PRKDC: variants seen among roughly 807,000 people sequenced by gnomAD.
PRKDC encodes the protein protein kinase, DNA-activated, catalytic subunit.
In PRKDC, 82 loss-of-function variants were observed where a neutral mutation model predicts 486.9. The ratio of observed to expected loss-of-function variants is 0.17; its 90% CI spans 0.14 to 0.20. The LOEUF is 0.20. PRKDC is among the 10% of genes least tolerant of loss of function. PRKDC has a pLI of 1.00. For synonymous variants in PRKDC, 1,895 were observed against 1,837.0 expected (o/e 1.03, Z -0.81); for missense variants, 4,504 against 5,038.2 (o/e 0.89, Z 3.21).
intron 71 of PRKDC, 109 bp from the exon 72 acceptor site, chr8:47,799,499 A>C: frequency 9.4e-7 from 1 of 1,066,342 alleles, no homozygotes; most frequent in Non-Finnish European, 1.3e-6. Context: ...GCTCCAAAAT[A>C]ACACTGAAGC....
chr8:47,881,490 G>T lies in PRKDC; in HGVS notation c.4993C>A (p.His1665Asn). The change falls in exon 38 of 86, where the codon CAT (histidine) becomes AAT (asparagine). Residue 1665 changes from histidine to asparagine, a missense_variant. Physicochemically the swap from His to Asn is moderately conservative, Grantham distance 68. Coordinates refer to ENST00000314191, the MANE Select transcript of PRKDC (RefSeq NM_006904.7). ...GTAAAGACTTCAGGGAATGAACCAT[G>T]ACTTGTATTAAAAGATACAGATGAA... Reference protein sequence around the residue: ...IDSSVSFNTSHGSFPEVFTTY... With the variant: ...IDSSVSFNTSNGSFPEVFTTY... 6.4e-7 allele frequency: 1 copy of T among 1,565,168 alleles called. No homozygotes were observed. The highest frequency in any genetic ancestry group is 1.2e-5 in the South Asian group (1 of 85,644).
chr8:47,959,303 A>C (rs1365256697), intron 1 of PRKDC: 2 of 152,218 alleles, frequency 1.3e-5, no homozygotes, highest in African/African-American at 4.8e-5. Context: ...ACATTTCTTC[A>C]ATTTTTCTCA....
chr8:47,846,909 CAAAGA>C (rs1162352472), intron 54 of PRKDC, among the ~76,000 whole-genome samples: 1 of 151,954 alleles, frequency 6.6e-6, no homozygotes, highest in African/African-American at 2.4e-5. Flanking sequence ...TTTACAATAG[CAAAGA>C]AAAGAATAAA....
chr8:47,888,738 G>A, intron 33 of PRKDC, 88 bp from the exon 34 acceptor site: 2 of 1,436,960 alleles, frequency 1.4e-6, no homozygotes, highest in South Asian at 1.5e-5. Flanking sequence ...GCACTGTTAT[G>A]AAGCAAACAG....
chr8:47,876,507 C>A (rs1285012379), intron 40 of PRKDC, among the ~76,000 whole-genome samples: 1 of 151,930 alleles, frequency 6.6e-6, no homozygotes, highest in African/African-American at 2.4e-5. Context: ...ACTAAAAATA[C>A]AAAAATTAGC....
chr8:47,838,032 A>G (rs1320048376), intron 56 of PRKDC, among the ~76,000 whole-genome samples: 2 of 152,150 alleles, frequency 1.3e-5, no homozygotes, highest in African/African-American at 2.4e-5. Context: ...GCTACTCGGG[A>G]GGCTGAGGCA....
intron 41 of PRKDC, among the ~76,000 whole-genome samples, chr8:47,864,052 T>G (rs1436267975): frequency 3.9e-5 from 6 of 152,194 alleles, no homozygotes; most frequent in Admixed American, 3.9e-4. Flanking sequence ...AAAAGGACTT[T>G]GTAGACAAAA....
At chr8:47,813,879 C>CT (rs1379343378) in intron 68 of PRKDC, among the ~76,000 whole-genome samples, 2 of 152,064 alleles carry the variant, frequency 1.3e-5, no homozygotes, top group East Asian at 1.9e-4. Flanking sequence ...TGGCCATAAA[C>CT]TTTTTTTAAA....
In PRKDC at chr8:47,877,748, G is replaced by T. The variant is rs1165025711; in HGVS notation, c.5339C>A (p.Ser1780Tyr). ...CCTTCTGGCAATCCTCCTGAAACTG[G>T]ATTGAAATAATTCTTCCATGACATG... ...QQHVMEELFQSSFRRIARRGS... is the reference protein window; with the variant it reads ...QQHVMEELFQYSFRRIARRGS... The change falls in exon 40 of 86, where the codon TCC (serine) becomes TAC (tyrosine). Residue 1780 changes from serine (S) to tyrosine (Y), a missense_variant. Physicochemically the swap from Ser to Tyr is moderately radical, Grantham distance 144. Transcript: ENST00000314191. The T allele has an allele frequency of 2.5e-6, 4 of 1,592,544 alleles. No individual in the cohort carries two copies. Among genetic ancestry groups the T allele is most frequent in the Middle Eastern group, 1.7e-4 (1 of 5,990 alleles).
rs752666003 is a variant in PRKDC, at chr8:47,859,603, G to A, written c.6207+8C>T. ...ACAATATTCTTTTAGTATGTGAAAT[G>A]TGATCACCCGTCTCCGAAAACGACC... On this transcript the variant is annotated splice_region_variant and intron_variant, in intron 46 of 85. Transcript: ENST00000314191. The A allele has an allele frequency of 6.2e-7, 1 of 1,611,360 alleles. No individual in the cohort carries two copies. The highest frequency in any genetic ancestry group is 8.5e-7 in the Non-Finnish European group (1 of 1,178,320).
chr8:47,953,745 T>C (rs199600924), intron 6 of PRKDC, 26 bp from the exon 7 acceptor site: 916 of 1,593,636 alleles, frequency 5.7e-4, no homozygotes, highest in Non-Finnish European at 7.3e-4. Context: ...TAAGAAGATG[T>C]CATTACAAGA....
In PRKDC at chr8:47,774,085, G is replaced by T; in HGVS notation, c.*88C>A. 1 of 1,327,896 alleles carries T rather than the reference G, an allele frequency of 7.5e-7. No homozygotes were observed. 82.3% of individuals were successfully genotyped at this position (1,327,896 alleles called of 1,614,324 possible). A position where few individuals can be genotyped will look rare whatever the true frequency, so the allele number is the denominator to read the frequency against. On this transcript the variant is annotated 3_prime_UTR_variant, in exon 86 of 86. Coordinates refer to ENST00000314191, the MANE Select transcript of PRKDC (RefSeq NM_006904.7). ...AAGACATTTCTCTTTAGTGTTTCAGGAAAATCAGCTCATGGAATGCTGCCA... is the reference window on the plus strand; with the variant it reads ...AAGACATTTCTCTTTAGTGTTTCAGTAAAATCAGCTCATGGAATGCTGCCA...
chr8:47,824,010 C>G lies in PRKDC; in HGVS notation c.8784-14G>C, dbSNP rs1416027455. The G allele has an allele frequency of 6.4e-7, 1 of 1,554,658 alleles. No individual in the cohort carries two copies. Among genetic ancestry groups the G allele is most frequent in the African/African-American group, 1.4e-5 (1 of 73,172 alleles). On this transcript the variant is annotated splice_polypyrimidine_tract_variant and intron_variant, in intron 63 of 85. Transcript: ENST00000314191. ...GATCTATACAGCCTACAAAACAAAT[C>G]AAAAAGGCCAAATCAATGAACACTC...
In PRKDC at chr8:47,936,518, C is replaced by T. The variant is rs1554645438; in HGVS notation, c.1114-1G>A. 1 of 1,613,738 alleles carries T rather than the reference C, an allele frequency of 6.2e-7. No individual in the cohort carries two copies. The highest frequency in any genetic ancestry group is 8.5e-7 in the Non-Finnish European group (1 of 1,179,740). Reference sequence around the variant, plus strand: ...CTTTTGCGTTTATAACCTTGCACGGCTTTAGAAAAGGTAAAACAGAAGTCT... The same window carrying T: ...CTTTTGCGTTTATAACCTTGCACGGTTTTAGAAAAGGTAAAACAGAAGTCT... On this transcript the variant is annotated splice_acceptor_variant, in intron 11 of 85. Transcript: ENST00000314191. LOFTEE classifies it high-confidence loss of function.
chr8:47,866,761 A>G (rs1346802171), intron 40 of PRKDC, among the ~76,000 whole-genome samples: 1 of 152,208 alleles, frequency 6.6e-6, no homozygotes, highest in Admixed American at 6.5e-5. Flanking sequence ...TACAGCCCCA[A>G]AAGAAGCAAT....
chr8:47,924,710 C>G (rs1211558346), intron 21 of PRKDC, among the ~76,000 whole-genome samples: 1 of 152,144 alleles, frequency 6.6e-6, no homozygotes, highest in Non-Finnish European at 1.5e-5. Context: ...CACACTCTCT[C>G]TCTCTCAGTT....
chr8:47,936,144 A>C (rs1380299561), intron 12 of PRKDC, among the ~76,000 whole-genome samples: 1 of 152,218 alleles, frequency 6.6e-6, no homozygotes, highest in Non-Finnish European at 1.5e-5. Context: ...TCTTTCAGAA[A>C]GATGGAAGGA....
intron 59 of PRKDC, among the ~76,000 whole-genome samples, chr8:47,833,773 C>T (rs2087943041): frequency 6.6e-6 from 1 of 152,100 alleles, no homozygotes; most frequent in Non-Finnish European, 1.5e-5. Context: ...CATCCCTGTC[C>T]TTTTCATCCT....
At chr8:47,890,551 T>C in intron 31 of PRKDC, 71 bp from the exon 32 acceptor site, 1 of 1,246,958 alleles carries the variant, frequency 8.0e-7, no homozygotes, top group Non-Finnish European at 1.1e-6. Context: ...ATAAAATTGC[T>C]TCTGTAAGTA....
Sources: gnomAD v4.1 joint callset for allele counts (sites outside exome capture counted in the v4.1 genomes callset) on GRCh38, gnomAD v4.1.1 for gene constraint, MANE v1.5 for transcripts, NCBI Gene and HGNC (gene_info 2026-07-23, HGNC 2026-07-21) for gene names.